The following DENND3 variants were observed in gnomAD, a reference collection of about 807,000 sequenced individuals.
The protein encoded by DENND3 is DENN domain containing 3.
DENND3 carries 88 observed loss-of-function variants against 135.1 expected under a neutral mutation model. The ratio of observed to expected loss-of-function variants is 0.65; its 90% confidence interval spans 0.55 to 0.78. DENND3 has a LOEUF of 0.78. Ranked by LOEUF, DENND3 falls within the 30% of genes least tolerant of loss-of-function variation. The pLI, the probability that DENND3 is intolerant of heterozygous loss-of-function variation, is 0.00. For synonymous variants in DENND3, 693 were observed against 712.3 expected (o/e 0.97, Z 0.43); for missense variants, 1,392 against 1,688.4 (o/e 0.82, Z 3.08).
chr8:141,129,277 G>A (rs1040312120), intron 1 of DENND3, among the ~76,000 whole-genome samples: 2 of 152,256 alleles, frequency 1.3e-5, no homozygotes, highest in African/African-American at 4.8e-5. Flanking sequence ...ATGCTGGGAT[G>A]TGTTGTCCCC....
At chr8:141,161,029 T>G (rs989266820) in intron 9 of DENND3, among the ~76,000 whole-genome samples, 1 of 151,250 alleles carries the variant, frequency 6.6e-6, no homozygotes, top group African/African-American at 2.4e-5. Flanking sequence ...TGCTGGTGAC[T>G]GCCTTCCTAA....
rs900375199 is a variant in DENND3, at chr8:141,138,594, C to A, written c.501+457C>A. Among the ~76,000 whole-genome samples, 1 of 152,094 alleles carries A rather than the reference C, an allele frequency of 6.6e-6. No homozygotes were observed. The highest frequency in any genetic ancestry group is 1.5e-5 in the Non-Finnish European group (1 of 68,024). On this transcript the variant is annotated intron_variant, in intron 3 of 22. Transcript: ENST00000519811. This position sits in a 1 kb window ranked among gnomAD's most constrained non-coding sequence, Gnocchi z 4.8. Reference sequence around the variant, plus strand: ...GGAGACGGGGTTTCACCATGTTGGCCGGGCTGGTTTCGAACTCCTGACCTC... The same window carrying A: ...GGAGACGGGGTTTCACCATGTTGGCAGGGCTGGTTTCGAACTCCTGACCTC...
intron 13 of DENND3, among the ~76,000 whole-genome samples, chr8:141,172,623 TC>T (rs1377232787): frequency 6.6e-6 from 1 of 152,190 alleles, no homozygotes; most frequent in African/African-American, 2.4e-5. Context: ...TCTGGCTCCT[TC>T]ATTAGGTGAT....
rs952817443 is a variant in DENND3 at position 141,195,585 on chromosome 8, G to C, written c.*1352G>C. The C allele has an allele frequency of 1.3e-5, 2 of 152,252 alleles. No homozygotes were observed. The highest frequency in any genetic ancestry group is 4.8e-5 in the African/African-American group (2 of 41,464). 9.4% of individuals were successfully genotyped at this position (152,252 alleles called of 1,614,324 possible). A position where few individuals can be genotyped will look rare whatever the true frequency, so the allele number is the denominator to read the frequency against. ...GGGGCATTCTGAGAGTGTGGGCAGA[G>C]AGAATTATGTGGCCTCATCCTCCCC... On this transcript the variant is annotated 3_prime_UTR_variant, in exon 23 of 23. Coordinates refer to ENST00000519811, the MANE Select transcript of DENND3 (RefSeq NM_001352890.3).
Position 141,168,395 on chromosome 8 carries a change from C to A in DENND3, c.2145C>A (p.Asp715Glu), listed in dbSNP as rs140493791. Residue 715 changes from aspartate (D) to glutamate (E), a missense_variant, in exon 13 of 23, where the codon GAC (aspartate) becomes GAA (glutamate). Coordinates refer to ENST00000519811, the MANE Select transcript of DENND3 (RefSeq NM_001352890.3). This position sits in a 1 kb window ranked among gnomAD's most constrained non-coding sequence, Gnocchi z 6.2. ...AGCCGCACGAGGCCTCGAAGCTGGA[C>A]GACCACGTGAAGAAGTTCAAGCTGC... ...LDKPHEASKL[D>E]DHVKKFKLPK... The A allele has an allele frequency of 1.9e-6, 3 of 1,613,882 alleles. No homozygotes were observed. The South Asian group carries it at 3.3e-5, about 18-fold the overall frequency.
At chr8:141,169,149 G>A (rs1327040323) in intron 13 of DENND3, among the ~76,000 whole-genome samples, 5 of 152,230 alleles carry the variant, frequency 3.3e-5, no homozygotes, top group Admixed American at 1.3e-4. Context: ...GTGAGCCACC[G>A]CGCCTGACCC....
In DENND3 at chr8:141,168,446, C is replaced by T; in HGVS notation, c.2196C>T (p.Asp732=). 6.2e-7 allele frequency: 1 copy of T among 1,613,804 alleles called. No homozygotes were observed. The highest frequency in any genetic ancestry group is 8.5e-7 in the Non-Finnish European group (1 of 1,180,040). The part of the protein sequence containing the change: ...KLPKKHMQLG[D]FMKRVQESGI... ...CCAAGAAGCACATGCAGCTGGGCGA[C>T]TTCATGAAGCGGGTCCAGGAGTCAG... The change falls in exon 13 of 23, where the codon GAC becomes GAT. Residue 732 remains aspartate, a synonymous_variant. Coordinates refer to ENST00000519811, the MANE Select transcript of DENND3 (RefSeq NM_001352890.3). This position sits in a 1 kb window ranked among gnomAD's most constrained non-coding sequence, Gnocchi z 6.2.
Position 141,150,909 on chromosome 8 carries a change from C to A in DENND3, c.811C>A (p.Leu271Ile). ...CGAAAGCCCCATCCTGGACCTGGAC[C>A]TTCACCTGCCCTTGCTGTGCTTCAG... ...DPESPILDLD[L>I]HLPLLCFRPE... is the part of the protein sequence containing the mutation. Residue 271 changes from leucine to isoleucine, a missense_variant, in exon 6 of 23, where the codon CTT becomes ATT. Leu to Ile is a conservative substitution (Grantham distance 5, BLOSUM62 2). Transcript: ENST00000519811. 2 of 1,609,448 alleles carry A rather than the reference C, an allele frequency of 1.2e-6. No homozygotes were observed. The highest frequency in any genetic ancestry group is 1.7e-6 in the Non-Finnish European group (2 of 1,178,856).
At chr8:141,151,545 A>G (rs1325473923) in intron 6 of DENND3, 74 bp from the exon 7 acceptor site, 2 of 1,432,932 alleles carry the variant, frequency 1.4e-6, no homozygotes, top group East Asian at 2.3e-5. Context: ...TGGGCTGGGC[A>G]ACACAGCGAG....
chr8:141,180,922 AGGGTC>A (rs1233371874), intron 17 of DENND3, 68 bp downstream of exon 17: 9 of 1,371,810 alleles, frequency 6.6e-6, no homozygotes, highest in Non-Finnish European at 9.1e-6. Flanking sequence ...GTTTGGGTTC[AGGGTC>A]AGCCCTGAAG....
At position 141,178,202 on chromosome 8, in the gene DENND3, A is replaced by T. The variant is rs1589683733; in HGVS notation, c.2836+6A>T. The T allele has an allele frequency of 3.1e-6, 5 of 1,607,934 alleles. No individual in the cohort carries two copies. The highest frequency in any genetic ancestry group is 1.3e-5 in the African/African-American group (1 of 75,008). ...TGATAAGATGAGTAACGAAAGTAAG[A>T]TAAGCCCGTTCTTAGCGTGGATCAT... On this transcript the variant is annotated splice_donor_region_variant and intron_variant, in intron 16 of 22. Transcript: ENST00000519811.
At chr8:141,186,965 CCCGCA>C (rs1157607477) in intron 18 of DENND3, among the ~76,000 whole-genome samples, 1 of 152,202 alleles carries the variant, frequency 6.6e-6, no homozygotes. Flanking sequence ...CCCACACTCC[CCCGCA>C]CCGTGGCCTG....
In DENND3 at chr8:141,128,728, G is replaced by A. The variant is rs1400120315; in HGVS notation, c.21G>A (p.Pro7=). Residue 7 remains proline (P), a synonymous_variant, in exon 1 of 23, where the codon CCG becomes CCA. Transcript: ENST00000519811. The surrounding 1 kb of genome is among the most constrained non-coding windows in gnomAD (Gnocchi z 4.5). The stretch of plus-strand genomic sequence containing the variant: ...CAGCCATGGCGGAGGCCGCGTCGCC[G>A]CACTTGTCGCTGCCCTCGGGGCTGC... MAEAAS[P]HLSLPSGLLE... The A allele has an allele frequency of 3.5e-6, 5 of 1,434,778 alleles. No homozygotes were observed. The highest frequency in any genetic ancestry group is 3.0e-5 in the East Asian group (1 of 33,042). 88.9% of individuals were successfully genotyped at this position (1,434,778 alleles called of 1,614,324 possible).
rs1003127110 is a variant in DENND3, at chr8:141,168,586, C to T, written c.2275+61C>T. ...ATTTAGAGACAGGGTCTGGCTCTGT[C>T]GCCCAGGCTGGAGTGGACTGGCAAT... On this transcript the variant is annotated intron_variant, in intron 13 of 22. Coordinates refer to ENST00000519811, the MANE Select transcript of DENND3 (RefSeq NM_001352890.3). This position sits in a 1 kb window ranked among gnomAD's most constrained non-coding sequence, Gnocchi z 6.2. 229 of 1,529,824 alleles carry T rather than the reference C, an allele frequency of 1.5e-4. No individual in the cohort carries two copies. Among genetic ancestry groups the T allele is most frequent in the Non-Finnish European group, 1.8e-4 (202 of 1,135,440 alleles). The allele number at this position is 1,529,824 out of a possible 1,614,324, so 94.8% of individuals were successfully genotyped here. A position where few individuals can be genotyped will look rare whatever the true frequency, so the allele number is the denominator to read the frequency against.
Position 141,194,364 on chromosome 8 carries a change from A to AC in DENND3, c.*133dup. 8.8e-7 allele frequency: 1 copy of AC among 1,140,458 alleles called. No individual in the cohort carries two copies. 70.6% of individuals were successfully genotyped at this position (1,140,458 alleles called of 1,614,324 possible). On this transcript the variant is annotated 3_prime_UTR_variant, in exon 23 of 23. Coordinates refer to ENST00000519811, the MANE Select transcript of DENND3 (RefSeq NM_001352890.3). ...CCCAGGCTCAGCATGGAGCCCACTT[A>AC]CCGTGTGGCCAGCCGCGAGACCCAT...
chr8:141,183,736 G>GT (rs770129781), intron 17 of DENND3, among the ~76,000 whole-genome samples: 5,143 of 121,666 alleles, frequency 0.042, 240 homozygotes, highest in African/African-American at 0.11. Context: ...TTTTTGTTTT[G>GT]TTTTTTTTTT....
In DENND3 at chr8:141,136,908, C is replaced by T. The variant is rs1438198274; in HGVS notation, c.385+117C>T. On this transcript the variant is annotated intron_variant, in intron 2 of 22. Coordinates refer to ENST00000519811, the MANE Select transcript of DENND3 (RefSeq NM_001352890.3). ...ACGTGAGCGGCAGAGCCAGGGACCC[C>T]TCACTGCCTCCTCTTGTGGGATTTA... 10 of 979,284 alleles carry T rather than the reference C, an allele frequency of 1.0e-5. No homozygotes were observed. In the East Asian group the frequency reaches 3.1e-4, roughly 30 times the overall value. 60.7% of individuals were successfully genotyped at this position (979,284 alleles called of 1,614,324 possible). A position where few individuals can be genotyped will look rare whatever the true frequency, so the allele number is the denominator to read the frequency against.
Position 141,138,473 on chromosome 8 carries a change from T to C in DENND3, c.501+336T>C, listed in dbSNP as rs1817044845. On this transcript the variant is annotated intron_variant, in intron 3 of 22. Coordinates refer to ENST00000519811, the MANE Select transcript of DENND3 (RefSeq NM_001352890.3). The surrounding 1 kb of genome is among the most constrained non-coding windows in gnomAD (Gnocchi z 4.8). Reference sequence around the variant, plus strand: ...CCATCTCAGCTCACTGCAACCTCCTTCTCCTGGGTTCAAGTGGTTCTCCTG... The same window carrying C: ...CCATCTCAGCTCACTGCAACCTCCTCCTCCTGGGTTCAAGTGGTTCTCCTG... Among the ~76,000 whole-genome samples, 1 of 151,898 alleles carries C rather than the reference T, an allele frequency of 6.6e-6. No individual in the cohort carries two copies. Among genetic ancestry groups the C allele is most frequent in the Non-Finnish European group, 1.5e-5 (1 of 67,950 alleles).
At chr8:141,176,517 T>G in intron 14 of DENND3, 74 bp from the exon 15 acceptor site, 1 of 1,575,388 alleles carries the variant, frequency 6.3e-7, no homozygotes, top group Admixed American at 1.7e-5. Flanking sequence ...CAGAGCCCGC[T>G]CTGCCTCTGT....
Sources: allele counts gnomAD v4.1 joint callset (sites outside exome capture counted in the v4.1 genomes callset), GRCh38; gene constraint gnomAD v4.1.1; non-coding constraint Gnocchi (gnomAD v3.1); transcripts MANE v1.5; gene names NCBI Gene and HGNC (gene_info 2026-07-23, HGNC 2026-07-21).